BTNL9: variants seen among roughly 807,000 people sequenced by gnomAD.
BTNL9 encodes the protein butyrophilin like 9, also known as butyrophilin-like protein 9.
Under a neutral mutation model 45.8 loss-of-function variants are expected in BTNL9, and 45 were observed. The ratio of observed to expected loss-of-function variants is 0.98; its 90% confidence interval spans 0.77 to 1.26. The LOEUF (loss-of-function observed/expected upper bound fraction) is 1.26, where lower values mean the gene tolerates loss of function less well. Ranked by LOEUF, BTNL9 falls within the 50% of genes most tolerant of loss-of-function variation. BTNL9 has a pLI of 0.00. For synonymous variants in BTNL9, 346 were observed against 330.8 expected (o/e 1.05, Z -0.50); for missense variants, 784 against 729.7 (o/e 1.07, Z -0.86).
chr5:181,047,499 T>C, intron 2 of BTNL9: 1 of 992,194 alleles, frequency 1.0e-6, no homozygotes, highest in Non-Finnish European at 1.2e-6. Context: ...CATCAGCAAT[T>C]TGATGTCTCC....
At position 181,053,403 on chromosome 5, in the gene BTNL9, G is replaced by A; in HGVS notation, c.854-66G>A. 6.5e-7 allele frequency: 1 copy of A among 1,535,684 alleles called. No individual in the cohort carries two copies. On this transcript the variant is annotated intron_variant, in intron 5 of 10. Transcript: ENST00000327705. The surrounding 1 kb of genome is among the most constrained non-coding windows in gnomAD (Gnocchi z 6.5). Reference sequence around the variant, plus strand: ...GAGGCGCCTCCCCCCAGGACGCGGCGCGGGAAGGCGGCCTGGAAGGGGCGG... The same window carrying A: ...GAGGCGCCTCCCCCCAGGACGCGGCACGGGAAGGCGGCCTGGAAGGGGCGG...
At chr5:181,045,758 T>C (rs932901224) in intron 2 of BTNL9, among the ~76,000 whole-genome samples, 160 bp downstream of exon 2, 1 of 151,732 alleles carries the variant, frequency 6.6e-6, no homozygotes, top group Non-Finnish European at 1.5e-5. Flanking sequence ...CCCCGAGCAT[T>C]ACCCAGCCTG....
intron 4 of BTNL9, among the ~76,000 whole-genome samples, chr5:181,052,038 A>G (rs965962546): frequency 1.3e-5 from 2 of 151,964 alleles, no homozygotes; most frequent in Non-Finnish European, 2.9e-5. Flanking sequence ...GGGGAGGGTC[A>G]CAGGTCAGAG....
Position 181,049,135 on chromosome 5 carries a change from C to T in BTNL9, c.454+864C>T, listed in dbSNP as rs1320138967. On this transcript the variant is annotated intron_variant, in intron 3 of 10. Coordinates refer to ENST00000327705, the MANE Select transcript of BTNL9 (RefSeq NM_152547.5). The stretch of plus-strand genomic sequence containing the variant: ...TAGTGGAATTCAAAGTTGGAAAGCT[C>T]CCGGACAGGGAAATTTGGTAATACT... Among the ~76,000 whole-genome samples the T allele has an allele frequency of 3.3e-5, 5 of 151,680 alleles. No individual in the cohort carries two copies. In the East Asian group the frequency reaches 9.7e-4, roughly 29 times the overall value.
rs1264961659 is a variant in BTNL9, at chr5:181,045,542, G to T, written c.53G>T (p.Ser18Ile). 5.6e-6 allele frequency: 9 copies of T among 1,612,768 alleles called. No homozygotes were observed. Among genetic ancestry groups the T allele is most frequent in the Non-Finnish European group, 7.6e-6 (9 of 1,179,382 alleles). Reference sequence around the variant, plus strand: ...TCCTTGAAGCCAGTATCGCTGACCAGCAGTCTTGTCTTCCTCATGCACCTC... The same window carrying T: ...TCCTTGAAGCCAGTATCGCTGACCATCAGTCTTGTCTTCCTCATGCACCTC... ...PDSLKPVSLT[S>I]SLVFLMHLLL... The change falls in exon 2 of 11, where the codon AGC becomes ATC. Residue 18 changes from serine to isoleucine, a missense_variant. Coordinates refer to ENST00000327705, the MANE Select transcript of BTNL9 (RefSeq NM_152547.5).
intron 1 of BTNL9, among the ~76,000 whole-genome samples, chr5:181,045,124 C>A (rs1357950613): frequency 1.3e-5 from 2 of 152,256 alleles, no homozygotes; most frequent in East Asian, 3.9e-4. Context: ...GTCGCTAAGC[C>A]CAGAAAAGGG....
At chr5:181,054,011 A>T (rs1761735739) in intron 6 of BTNL9, 4 of 1,539,472 alleles carry the variant, frequency 2.6e-6, no homozygotes, top group Non-Finnish European at 3.5e-6. Flanking sequence ...AGCAGGAGGG[A>T]GGGCGCTGGG....
intron 9 of BTNL9, chr5:181,056,495 T>G (rs868237702): frequency 1.4e-6 from 1 of 713,178 alleles, no homozygotes; most frequent in Non-Finnish European, 2.6e-6. Context: ...TATCCATCGC[T>G]GCCACTCGTG....
Position 181,059,784 on chromosome 5 carries a change from G to T in BTNL9, c.1530G>T (p.Thr510=). The part of the protein sequence containing the change: ...LTICPLPVRG[T]GVPEENDSDT... Reference sequence around the variant, plus strand: ...TCTGCCCGCTGCCGGTTAGAGGGACGGGCGTCCCCGAAGAGAACGACAGTG... The same window carrying T: ...TCTGCCCGCTGCCGGTTAGAGGGACTGGCGTCCCCGAAGAGAACGACAGTG... The change falls in exon 11 of 11, where the codon ACG becomes ACT. Residue 510 remains threonine (T), a synonymous_variant. Transcript: ENST00000327705. 6 of 1,608,486 alleles carry T rather than the reference G, an allele frequency of 3.7e-6. No individual in the cohort carries two copies. The highest frequency in any genetic ancestry group is 4.2e-6 in the Non-Finnish European group (5 of 1,179,274).
At chr5:181,049,951 C>CTT in intron 3 of BTNL9, 137 bp from the exon 4 acceptor site, 1 of 1,156,452 alleles carries the variant, frequency 8.6e-7, no homozygotes, top group Non-Finnish European at 1.2e-6. Context: ...CGGGGAGCGC[C>CTT]AAGCCCACAC....
intron 3 of BTNL9, 63 bp downstream of exon 3, chr5:181,048,334 G>A (rs938886437): frequency 6.4e-6 from 9 of 1,409,862 alleles, no homozygotes; most frequent in South Asian, 5.2e-5. Context: ...GCCAAGTAGA[G>A]GTGGAGTCAC....
rs1582158331 is a variant in BTNL9 at position 181,060,934 on chromosome 5, A to G, written c.*1072A>G. On this transcript the variant is annotated 3_prime_UTR_variant, in exon 11 of 11. Coordinates refer to ENST00000327705, the MANE Select transcript of BTNL9 (RefSeq NM_152547.5). ...AGTGATCCTCCCACCTCAGCACACAACACCATGCCCAATTTTAAGTGCGTT... is the reference window on the plus strand; with the variant it reads ...AGTGATCCTCCCACCTCAGCACACAGCACCATGCCCAATTTTAAGTGCGTT... 1 of 103,690 alleles carries G rather than the reference A, an allele frequency of 9.6e-6. No individual in the cohort carries two copies. The highest frequency in any genetic ancestry group is 3.2e-4 in the East Asian group (1 of 3,122). 6.4% of individuals were successfully genotyped at this position (103,690 alleles called of 1,614,324 possible). A position where few individuals can be genotyped will look rare whatever the true frequency, so the allele number is the denominator to read the frequency against.
chr5:181,047,942 G>A lies in BTNL9; in HGVS notation c.125G>A (p.Gly42Asp). The change falls in exon 3 of 11, where the codon GGC becomes GAC. Residue 42 changes from glycine (G) to aspartate (D), a missense_variant. Transcript: ENST00000327705. Reference protein sequence around the residue: ...GEPSSEVKVLGPEYPILALVG... With the variant: ...GEPSSEVKVLDPEYPILALVG... ...GTCATCCTAGAGGTCAAGGTGCTAG[G>A]CCCTGAGTATCCCATCCTGGCCCTC... The A allele has an allele frequency of 6.2e-7, 1 of 1,613,766 alleles. No individual in the cohort carries two copies. The highest frequency in any genetic ancestry group is 8.5e-7 in the Non-Finnish European group (1 of 1,179,972).
intron 4 of BTNL9, among the ~76,000 whole-genome samples, chr5:181,052,449 C>T (rs1223847335): frequency 1.3e-5 from 2 of 152,182 alleles, no homozygotes; most frequent in Non-Finnish European, 2.9e-5. Context: ...CTGAACTGTA[C>T]ACTTAAAAAT....
chr5:181,054,908 G>T, intron 7 of BTNL9: 1 of 985,474 alleles, frequency 1.0e-6, no homozygotes. Flanking sequence ...CCTCTCCCAG[G>T]AGCATTTACT....
At position 181,055,779 on chromosome 5, in the gene BTNL9, A is replaced by G; in HGVS notation, c.929-210A>G. 1.4e-6 allele frequency: 1 copy of G among 723,724 alleles called. No individual in the cohort carries two copies. Among genetic ancestry groups the G allele is most frequent in the Non-Finnish European group, 2.5e-6 (1 of 398,830 alleles). 44.8% of individuals were successfully genotyped at this position (723,724 alleles called of 1,614,324 possible). On this transcript the variant is annotated intron_variant, in intron 8 of 10. Transcript: ENST00000327705. This position sits in a 1 kb window ranked among gnomAD's most constrained non-coding sequence, Gnocchi z 4.4. ...GCGAGACTCTGTCTCAAAAAAAAAA[A>G]GAACTATTTCTCCTCATTCATCATT...
Position 181,055,206 on chromosome 5 carries a change from G to C in BTNL9, c.908-227G>C. On this transcript the variant is annotated intron_variant, in intron 7 of 10. Coordinates refer to ENST00000327705, the MANE Select transcript of BTNL9 (RefSeq NM_152547.5). This position sits in a 1 kb window ranked among gnomAD's most constrained non-coding sequence, Gnocchi z 4.4. ...AGATCTGGTATCCCTTCTAGGCTGT[G>C]TGCAGATTTCCACCTTTGAGCTAAG... 7.1e-7 allele frequency: 1 copy of C among 1,417,746 alleles called. No individual in the cohort carries two copies. Among genetic ancestry groups the C allele is most frequent in the Non-Finnish European group, 9.2e-7 (1 of 1,089,554 alleles). 87.8% of individuals were successfully genotyped at this position (1,417,746 alleles called of 1,614,324 possible).
At position 181,053,322 on chromosome 5, in the gene BTNL9, G is replaced by C. The variant is rs1761677440; in HGVS notation, c.853+6G>C. On this transcript the variant is annotated splice_donor_region_variant and intron_variant, in intron 5 of 10. Transcript: ENST00000327705. This position sits in a 1 kb window ranked among gnomAD's most constrained non-coding sequence, Gnocchi z 6.5. The stretch of plus-strand genomic sequence containing the variant: ...GAAGCAGCGGAGAAGCCGAGGTACC[G>C]GCGCGGGCGGCGGGGCGGGGAGGGG... The C allele has an allele frequency of 6.5e-7, 1 of 1,545,528 alleles. No homozygotes were observed. Among genetic ancestry groups the C allele is most frequent in the Admixed American group, 1.9e-5 (1 of 51,728 alleles).
At chr5:181,058,754 CTAGATG>C (rs1762007758) in intron 10 of BTNL9, among the ~76,000 whole-genome samples, 1 of 150,298 alleles carries the variant, frequency 6.7e-6, no homozygotes, top group Non-Finnish European at 1.5e-5. Flanking sequence ...GGGCACTGGA[CTAGATG>C]ATCTCAAAGG....
Sources: allele counts gnomAD v4.1 joint callset (sites outside exome capture counted in the v4.1 genomes callset), GRCh38; gene constraint gnomAD v4.1.1; non-coding constraint Gnocchi (gnomAD v3.1); transcripts MANE v1.5; gene names NCBI Gene and HGNC (gene_info 2026-07-23, HGNC 2026-07-21).